GK5: variants seen among roughly 807,000 people sequenced by gnomAD.
The protein encoded by GK5 is ATP:glycerol 3-phosphotransferase 5.
GK5 carries 39 observed loss-of-function variants against 77.3 expected under a neutral mutation model. The ratio of observed to expected loss-of-function variants is 0.50; its 90% CI spans 0.39 to 0.66. The LOEUF (loss-of-function observed/expected upper bound fraction) is 0.66. Ranked by LOEUF, GK5 falls within the 30% of genes least tolerant of loss-of-function variation. The pLI is 0.00. For synonymous variants in GK5, 211 were observed against 208.0 expected (o/e 1.01, Z -0.13); for missense variants, 487 against 633.8 (o/e 0.77, Z 2.49).
chr3:142,215,528 C>T (rs1168671612), intron 2 of GK5, 71 bp downstream of exon 2: 6 of 762,078 alleles, frequency 7.9e-6, no homozygotes, highest in African/African-American at 1.8e-5. Context: ...ACCACAACTA[C>T]AGAAGCCTGA....
At chr3:142,174,825 G>C (rs573804157) in intron 12 of GK5, among the ~76,000 whole-genome samples, 2 of 152,174 alleles carry the variant, frequency 1.3e-5, no homozygotes, top group Non-Finnish European at 2.9e-5. Context: ...TCTCTGCCCT[G>C]AAAACCAAAA....
chr3:142,173,845 AT>A (rs772313975), intron 12 of GK5, among the ~76,000 whole-genome samples: 22 of 152,328 alleles, frequency 1.4e-4, no homozygotes, highest in East Asian at 1.9e-4. Flanking sequence ...CTGTCAGGAA[AT>A]TATGATCCTC....
chr3:142,195,953 G>C (rs988530267), intron 5 of GK5, among the ~76,000 whole-genome samples: 2 of 152,128 alleles, frequency 1.3e-5, no homozygotes, highest in African/African-American at 4.8e-5. Flanking sequence ...AAAGCCATCT[G>C]GCTCTGGGCT....
At chr3:142,216,467 G>T (rs987630164) in intron 1 of GK5, among the ~76,000 whole-genome samples, 1 of 151,998 alleles carries the variant, frequency 6.6e-6, no homozygotes, top group African/African-American at 2.4e-5. Flanking sequence ...CTAAAATCCT[G>T]AGGAAGGTAA....
chr3:142,216,616 C>T (rs1028334636), intron 1 of GK5, among the ~76,000 whole-genome samples: 6 of 151,938 alleles, frequency 3.9e-5, no homozygotes, highest in South Asian at 2.1e-4. Flanking sequence ...GCTTTTTGGC[C>T]GGGGACCACC....
intron 3 of GK5, among the ~76,000 whole-genome samples, chr3:142,205,986 T>C (rs948345032): frequency 6.6e-6 from 1 of 152,220 alleles, no homozygotes. Flanking sequence ...GTATATCATA[T>C]ATAAGTAGAA....
At chr3:142,202,393 T>TG (rs1301971421) in intron 4 of GK5, among the ~76,000 whole-genome samples, 1 of 152,154 alleles carries the variant, frequency 6.6e-6, no homozygotes, top group African/African-American at 2.4e-5. Flanking sequence ...CTAATGACAT[T>TG]GGTGCCAGTT....
At chr3:142,188,746 T>C (rs1224017002) in intron 5 of GK5, among the ~76,000 whole-genome samples, 1 of 152,260 alleles carries the variant, frequency 6.6e-6, no homozygotes, top group African/African-American at 2.4e-5. Context: ...AACACAGCTA[T>C]GCTCATTTGT....
chr3:142,183,125 T>C (rs2063719868), intron 9 of GK5, 76 bp from the exon 10 acceptor site: 11 of 1,294,010 alleles, frequency 8.5e-6, no homozygotes, highest in East Asian at 2.3e-5. Context: ...GTCTCACTTA[T>C]TGTACTCTCA....
chr3:142,176,497 A>G (rs533407201), intron 12 of GK5, among the ~76,000 whole-genome samples: 4 of 152,086 alleles, frequency 2.6e-5, no homozygotes, highest in African/African-American at 4.8e-5. Flanking sequence ...AGTTGTTTTA[A>G]AAGTATTTGT....
chr3:142,210,888 T>C (rs1329310322), intron 3 of GK5, among the ~76,000 whole-genome samples: 3 of 152,260 alleles, frequency 2.0e-5, no homozygotes, highest in African/African-American at 4.8e-5. Flanking sequence ...GCCAAGTGAA[T>C]ATGACACATC....
chr3:142,180,238 A>T (rs2063675620), intron 11 of GK5, among the ~76,000 whole-genome samples: 1 of 152,016 alleles, frequency 6.6e-6, no homozygotes, highest in African/African-American at 2.4e-5. Flanking sequence ...CAGACAGAGC[A>T]GCAGAGGCAA....
At chr3:142,186,682 G>C (rs536673627) in intron 6 of GK5, among the ~76,000 whole-genome samples, 169 bp from the exon 7 acceptor site, 1 of 145,622 alleles carries the variant, frequency 6.9e-6, no homozygotes, top group East Asian at 2.0e-4. Flanking sequence ...CCAGGCTAGA[G>C]TGCAATGGCA....
intron 6 of GK5, 59 bp from the exon 7 acceptor site, chr3:142,186,572 G>T: frequency 1.4e-6 from 1 of 724,150 alleles, no homozygotes; most frequent in Non-Finnish European, 2.3e-6. Flanking sequence ...AACACCTATC[G>T]ATAGTATATA....
At position 142,204,734 on chromosome 3, in the gene GK5, A is replaced by G; in HGVS notation, c.372T>C (p.Val124=). ...AATTATTCCAAGATTTTACAAGTTC[A>G]ACAGCTCTTAAGTCTTGCCAACTTA... ...NFISWQDLRA[V]ELVKSWNNSL... Residue 124 remains valine (V), a synonymous_variant, in exon 4 of 16, where the codon GTT becomes GTC. Transcript: ENST00000392993. 1 of 1,588,162 alleles carries G rather than the reference A, an allele frequency of 6.3e-7. No individual in the cohort carries two copies. The highest frequency in any genetic ancestry group is 1.3e-5 in the African/African-American group (1 of 74,292).
At chr3:142,220,953 G>A (rs750809054) in intron 1 of GK5, among the ~76,000 whole-genome samples, 20 of 152,262 alleles carry the variant, frequency 1.3e-4, no homozygotes, top group South Asian at 2.1e-4. Flanking sequence ...GAAAGAGAAC[G>A]TAAGAGATTT....
chr3:142,223,850 AG>A (rs1192553828), intron 1 of GK5, among the ~76,000 whole-genome samples: 2 of 151,864 alleles, frequency 1.3e-5, no homozygotes, highest in Non-Finnish European at 2.9e-5. Context: ...AAGAAAAAAA[AG>A]AAAAACTTAA....
chr3:142,165,932 C>T (rs2063469223), intron 15 of GK5, among the ~76,000 whole-genome samples, 162 bp from the exon 16 acceptor site: 1 of 152,182 alleles, frequency 6.6e-6, no homozygotes, highest in Non-Finnish European at 1.5e-5. Flanking sequence ...ATCGATCATT[C>T]CTGAAAATAA....
intron 3 of GK5, among the ~76,000 whole-genome samples, chr3:142,212,505 C>T (rs2064200686): frequency 6.6e-6 from 1 of 152,022 alleles, no homozygotes; most frequent in South Asian, 2.1e-4. Flanking sequence ...CACTACACTC[C>T]AGCCTGGGTA....
Sources: allele counts gnomAD v4.1 joint callset (sites outside exome capture counted in the v4.1 genomes callset), GRCh38; gene constraint gnomAD v4.1.1; transcripts MANE v1.5; gene names NCBI Gene and HGNC (gene_info 2026-07-23, HGNC 2026-07-21).